ASTN2: variants seen among roughly 807,000 people sequenced by gnomAD.
ASTN2 encodes the protein astrotactin 2.
A neutral mutation model predicts 139.8 loss-of-function variants in ASTN2; 54 were observed. That is an observed-to-expected ratio of 0.39 (90% CI 0.31 to 0.48). The LOEUF (loss-of-function observed/expected upper bound fraction) is 0.48, where lower values mean the gene tolerates loss of function less well. Among genes scored for constraint, ASTN2 ranks in the 20% least tolerant of loss-of-function variants. ASTN2 has a pLI of 0.95. For missense variants in ASTN2, 1,565 were observed against 1,725.1 expected (o/e 0.91, Z 1.64); for synonymous variants, 756 against 719.5 (o/e 1.05, Z -0.81).
chr9:116,943,832 C>T (rs1215979608), intron 10 of ASTN2, among the ~76,000 whole-genome samples: 1 of 152,158 alleles, frequency 6.6e-6, no homozygotes, highest in African/African-American at 2.4e-5. Context: ...CATATTATCC[C>T]ATCCCACAAG....
At chr9:117,204,135 G>A (rs1007044026) in intron 3 of ASTN2, among the ~76,000 whole-genome samples, 25 of 152,290 alleles carry the variant, frequency 1.6e-4, no homozygotes, top group African/African-American at 6.0e-4. Context: ...CACTGTGGCC[G>A]CCTACTGCCA....
chr9:117,371,271 C>T lies in ASTN2; in HGVS notation c.442+43226G>A, dbSNP rs78603801. ...CAAGACTAAATCCAGTTGGACATTC[C>T]GCACACAACTGGGGATTTTTCATTC... On this transcript the variant is annotated intron_variant, in intron 1 of 22. Transcript: ENST00000313400. 5.4e-3 allele frequency among the ~76,000 whole-genome samples: 829 copies of T among 152,286 alleles called. 6 individuals carry two copies. The highest frequency in any genetic ancestry group is 0.019 in the African/African-American group (783 of 41,574).
At chr9:117,121,280 A>G (rs1156949313) in intron 4 of ASTN2, among the ~76,000 whole-genome samples, 1 of 152,358 alleles carries the variant, frequency 6.6e-6, no homozygotes, top group African/African-American at 2.4e-5. Flanking sequence ...AAATATGTTC[A>G]AGATTTTGGT....
rs146677960 is a variant in ASTN2, at chr9:117,313,066, G to T, written c.443-21553C>A. ...CCTAATGCTTGACAAAGGAAATAAT[G>T]CCAGAATTTAGGAACCCACGTTCAG... On this transcript the variant is annotated intron_variant, in intron 1 of 22. Coordinates refer to ENST00000313400, the MANE Select transcript of ASTN2 (RefSeq NM_001365068.1). Among the ~76,000 whole-genome samples, 254 of 152,236 alleles carry T rather than the reference G, an allele frequency of 1.7e-3. 1 individual carries two copies. Among genetic ancestry groups the T allele is most frequent in the African/African-American group, 5.4e-3 (225 of 41,530 alleles).
intron 10 of ASTN2, among the ~76,000 whole-genome samples, chr9:116,972,922 G>T (rs1219313080): frequency 1.3e-5 from 2 of 152,066 alleles, no homozygotes; most frequent in African/African-American, 4.8e-5. Flanking sequence ...AGTATTATTG[G>T]CTATCTATAA....
intron 5 of ASTN2, among the ~76,000 whole-genome samples, chr9:117,074,620 A>C (rs2132714900): frequency 6.6e-6 from 1 of 152,332 alleles, no homozygotes; most frequent in African/African-American, 2.4e-5. Context: ...TCAGAACAGC[A>C]GAAGTGGCAA....
rs556320256 is a variant in ASTN2 at position 117,304,680 on chromosome 9, A to T, written c.443-13167T>A. Among the ~76,000 whole-genome samples the T allele has an allele frequency of 5.3e-5, 8 of 152,314 alleles. No individual in the cohort carries two copies. The South Asian group carries it at 1.7e-3, about 32-fold the overall frequency. Reference sequence around the variant, plus strand: ...AGCTCCATGCCTGTTCGGTGTGTTCACAGCAGCCTTGATTGTAATTCAGCC... The same window carrying T: ...AGCTCCATGCCTGTTCGGTGTGTTCTCAGCAGCCTTGATTGTAATTCAGCC... On this transcript the variant is annotated intron_variant, in intron 1 of 22. Transcript: ENST00000313400.
chr9:116,497,991 T>C (rs755414680), intron 19 of ASTN2, among the ~76,000 whole-genome samples: 6 of 152,188 alleles, frequency 3.9e-5, no homozygotes, highest in Admixed American at 1.3e-4. Flanking sequence ...TCCCTCTCTG[T>C]ACAAAAAGGC....
intron 1 of ASTN2, among the ~76,000 whole-genome samples, chr9:117,386,175 G>C (rs1021663375): frequency 6.6e-6 from 1 of 152,054 alleles, no homozygotes; most frequent in Non-Finnish European, 1.5e-5. Context: ...TTCATACTCA[G>C]ACAAGAAGAA....
chr9:116,635,671 G>A (rs1857040136), intron 17 of ASTN2, among the ~76,000 whole-genome samples: 1 of 152,112 alleles, frequency 6.6e-6, no homozygotes, highest in Non-Finnish European at 1.5e-5. Flanking sequence ...TCAATTGCCT[G>A]GTGTTCCCTC....
intron 11 of ASTN2, among the ~76,000 whole-genome samples, chr9:116,840,202 C>A (rs1832166953): frequency 6.8e-6 from 1 of 147,984 alleles, no homozygotes; most frequent in South Asian, 2.1e-4. Flanking sequence ...GGTAAGGTCA[C>A]CGATCAACAG....
chr9:116,626,446 C>T (rs1350866186), intron 17 of ASTN2, among the ~76,000 whole-genome samples: 1 of 151,762 alleles, frequency 6.6e-6, no homozygotes, highest in Non-Finnish European at 1.5e-5. Context: ...GGATGTTCTG[C>T]CAAGGATTAA....
intron 19 of ASTN2, among the ~76,000 whole-genome samples, chr9:116,589,847 T>C (rs1445650759): frequency 6.6e-6 from 1 of 152,222 alleles, no homozygotes; most frequent in Admixed American, 6.5e-5. Context: ...CCCCTAGATG[T>C]TGGGACAATT....
chr9:116,853,753 GA>G (rs1832671173), intron 11 of ASTN2, among the ~76,000 whole-genome samples: 2 of 152,110 alleles, frequency 1.3e-5, no homozygotes, highest in Non-Finnish European at 2.9e-5. Context: ...TGCTCCTTTT[GA>G]AAAAATCCAT....
rs369316450 is a variant in ASTN2, at chr9:117,143,791, GGAAAGAGAGAGA to G, written c.1016-2325_1016-2314del. On this transcript the variant is annotated intron_variant, in intron 3 of 22. Transcript: ENST00000313400. ...GTGTCCTCACTCGGTGGGGGAGCAG[GGAAAGAGAGAGA>G]GAAAGAGAGAGAGAAAAAAAAAACC... Among the ~76,000 whole-genome samples, 850 of 151,518 alleles carry G rather than the reference GGAAAGAGAGAGA, an allele frequency of 5.6e-3. 5 individuals carry two copies. Among genetic ancestry groups the G allele is most frequent in the African/African-American group, 0.015 (620 of 41,344 alleles).
chr9:117,245,662 C>A (rs1233803161), intron 2 of ASTN2, among the ~76,000 whole-genome samples: 1 of 152,088 alleles, frequency 6.6e-6, no homozygotes, highest in African/African-American at 2.4e-5. Flanking sequence ...TCAATCATGT[C>A]TCTTTCCCTC....
At chr9:117,390,196 T>A (rs1335298198) in intron 1 of ASTN2, among the ~76,000 whole-genome samples, 1 of 152,176 alleles carries the variant, frequency 6.6e-6, no homozygotes, top group East Asian at 1.9e-4. Context: ...TAATAGACTT[T>A]ATTAGTTTTA....
At chr9:116,840,669 T>C (rs760253245) in intron 11 of ASTN2, among the ~76,000 whole-genome samples, 26 of 62,626 alleles carry the variant, frequency 4.2e-4, no homozygotes, top group Admixed American at 1.4e-3. Context: ...GACGGGGCGG[T>C]TGCCAGGCAG....
At chr9:117,392,841 G>A (rs142572023) in intron 1 of ASTN2, among the ~76,000 whole-genome samples, 1 of 152,310 alleles carries the variant, frequency 6.6e-6, no homozygotes, top group East Asian at 1.9e-4. Context: ...TTGAGAAAGA[G>A]GAGCCCACCA....
Sources: allele counts gnomAD v4.1 joint callset (sites outside exome capture counted in the v4.1 genomes callset), GRCh38; gene constraint gnomAD v4.1.1; transcripts MANE v1.5; gene names NCBI Gene and HGNC (gene_info 2026-07-23, HGNC 2026-07-21).